Variants in PPP2R5A observed in about 807,000 individuals in gnomAD.
PPP2R5A encodes the protein protein phosphatase 2 regulatory subunit B'alpha.
A neutral mutation model predicts 64.2 loss-of-function variants in PPP2R5A; 25 were observed. That is an observed-to-expected ratio of 0.39 (90% CI 0.28 to 0.54). PPP2R5A has a LOEUF of 0.54. PPP2R5A is among the 20% of genes least tolerant of loss of function. The probability of loss-of-function intolerance (pLI) is 0.67; values close to 1 mark genes in which losing one functional copy is unlikely to be tolerated. For synonymous variants in PPP2R5A, 198 were observed against 201.2 expected (o/e 0.98, Z 0.13); for missense variants, 425 against 576.3 (o/e 0.74, Z 2.69).
chr1:212,359,949 T>TA (rs1437569132), intron 12 of PPP2R5A, among the ~76,000 whole-genome samples: 2 of 152,214 alleles, frequency 1.3e-5, no homozygotes, highest in Admixed American at 1.3e-4. Context: ...GCAAATCCTT[T>TA]AAAAGGATTT....
rs1558156615 is a variant in PPP2R5A at position 212,357,041 on chromosome 1, C to T, written c.1070C>T (p.Ser357Phe). ...KIEEPLFKQISKCVSSSHFQV... is the reference protein window; with the variant it reads ...KIEEPLFKQIFKCVSSSHFQV... ...GAAGAGCCACTTTTCAAGCAGATAT[C>T]CAAGTGTGTATCCAGTTCTCATTTT... The change falls in exon 10 of 13, where the codon TCC becomes TTC. Residue 357 changes from serine to phenylalanine, a missense_variant. Around this residue, in one of 4 missense-constraint regions of PPP2R5A, gnomAD observed 177 missense variants for 244.8 expected, o/e 0.72. Coordinates refer to ENST00000261461, the MANE Select transcript of PPP2R5A (RefSeq NM_006243.4). The T allele has an allele frequency of 6.2e-7, 1 of 1,611,990 alleles. No individual in the cohort carries two copies.
chr1:212,287,773 T>G (rs1387889303), intron 1 of PPP2R5A, among the ~76,000 whole-genome samples: 4 of 152,184 alleles, frequency 2.6e-5, no homozygotes, highest in African/African-American at 9.7e-5. Context: ...ATTTTAAAAT[T>G]TACACTTATT....
chr1:212,309,273 G>A, intron 1 of PPP2R5A: 1 of 1,524,094 alleles, frequency 6.6e-7, no homozygotes, highest in Non-Finnish European at 9.0e-7. Context: ...CAGACTCAGT[G>A]GTCAGCGGAA....
At chr1:212,350,654 CAAAAAA>C (rs11372024) in intron 8 of PPP2R5A, among the ~76,000 whole-genome samples, 1 of 136,732 alleles carries the variant, frequency 7.3e-6, no homozygotes, top group Non-Finnish European at 1.6e-5. Flanking sequence ...ACTCTGTCTT[CAAAAAA>C]AAAAAGAAAA....
chr1:212,346,748 TC>T, intron 5 of PPP2R5A, among the ~76,000 whole-genome samples: 1 of 152,258 alleles, frequency 6.6e-6, no homozygotes, highest in Non-Finnish European at 1.5e-5. Context: ...TAATTGAAGA[TC>T]TGGCAAAATT....
chr1:212,323,352 G>T (rs1659346062), intron 1 of PPP2R5A, among the ~76,000 whole-genome samples: 1 of 152,178 alleles, frequency 6.6e-6, no homozygotes, highest in South Asian at 2.1e-4. Flanking sequence ...AAAACACTTA[G>T]AATTGTCTTT....
chr1:212,345,162 T>TAAAA (rs74849931), intron 4 of PPP2R5A, among the ~76,000 whole-genome samples: 2 of 127,372 alleles, frequency 1.6e-5, no homozygotes, highest in East Asian at 4.4e-4. Context: ...AAGACTGTCT[T>TAAAA]AAAAAAAAAA....
chr1:212,356,917 C>T, intron 9 of PPP2R5A, 33 bp from the exon 10 acceptor site: 1 of 1,456,076 alleles, frequency 6.9e-7, no homozygotes, highest in Non-Finnish European at 9.3e-7. Context: ...CATAATTTAT[C>T]ATGTTTCTTA....
At chr1:212,330,766 A>G (rs974143884) in intron 2 of PPP2R5A, among the ~76,000 whole-genome samples, 1 of 152,102 alleles carries the variant, frequency 6.6e-6, no homozygotes. Flanking sequence ...CCTTTTATCA[A>G]TCTGTAGTAT....
At chr1:212,309,995 C>T (rs892901731) in intron 1 of PPP2R5A, among the ~76,000 whole-genome samples, 1 of 152,076 alleles carries the variant, frequency 6.6e-6, no homozygotes, top group Non-Finnish European at 1.5e-5. Flanking sequence ...TGTAGTTTTC[C>T]CCCATACTTT....
intron 1 of PPP2R5A, among the ~76,000 whole-genome samples, chr1:212,320,928 CGGGCGGG>C (rs1659270266): frequency 5.6e-5 from 6 of 108,084 alleles, no homozygotes; most frequent in African/African-American, 1.7e-4. Context: ...GGCGGCTGGC[CGGGCGGG>C]GGGCTGACCC....
chr1:212,331,804 G>A (rs187434286), intron 2 of PPP2R5A: 1 of 152,110 alleles, frequency 6.6e-6, no homozygotes, highest in Admixed American at 6.6e-5. Flanking sequence ...CAAGTAAAAA[G>A]GTGTGTGTGT....
chr1:212,291,962 C>T (rs958872120), intron 1 of PPP2R5A, among the ~76,000 whole-genome samples: 7 of 152,192 alleles, frequency 4.6e-5, no homozygotes, highest in African/African-American at 1.7e-4. Flanking sequence ...GGATGTAAAA[C>T]TAGTTTCCTC....
chr1:212,293,213 G>A (rs969269997), intron 1 of PPP2R5A, among the ~76,000 whole-genome samples: 1 of 152,198 alleles, frequency 6.6e-6, no homozygotes, highest in Non-Finnish European at 1.5e-5. Context: ...CCAATGACCA[G>A]TATGAGTGAC....
intron 8 of PPP2R5A, 31 bp downstream of exon 8, chr1:212,349,273 G>C: frequency 6.6e-7 from 1 of 1,504,564 alleles, no homozygotes; most frequent in Non-Finnish European, 9.1e-7. Flanking sequence ...CATGTTTTTG[G>C]TCTGCATTAA....
At position 212,345,926 on chromosome 1, in the gene PPP2R5A, T is replaced by C; in HGVS notation, c.697T>C (p.Phe233Leu). The change falls in exon 5 of 13, where the codon TTC (phenylalanine) becomes CTC (leucine). Residue 233 changes from phenylalanine (F) to leucine (L), a missense_variant. Phe to Leu is a conservative substitution (Grantham distance 22). This residue lies in a region of PPP2R5A where 140 missense variants were observed against 204.4 expected (regional missense o/e 0.68). Coordinates refer to ENST00000261461, the MANE Select transcript of PPP2R5A (RefSeq NM_006243.4). ...CATCAGAAAACAAATTAACAACATT[T>C]TCCTCAGGTAAATTAATCATTTATT... ...AFIRKQINNI[F>L]LRFIYETEHF... The C allele has an allele frequency of 6.3e-7, 1 of 1,594,926 alleles. No individual in the cohort carries two copies. Among genetic ancestry groups the C allele is most frequent in the Non-Finnish European group, 8.5e-7 (1 of 1,170,946 alleles).
At chr1:212,289,339 A>G (rs1658561421) in intron 1 of PPP2R5A, among the ~76,000 whole-genome samples, 1 of 152,170 alleles carries the variant, frequency 6.6e-6, no homozygotes, top group Admixed American at 6.5e-5. Context: ...TCCATGGCTC[A>G]TTGTATTTTT....
chr1:212,295,514 G>A (rs1372369263), intron 1 of PPP2R5A, among the ~76,000 whole-genome samples: 1 of 152,154 alleles, frequency 6.6e-6, no homozygotes, highest in Non-Finnish European at 1.5e-5. Context: ...TGTGGCATTT[G>A]GAGCAATGGA....
chr1:212,314,138 A>G (rs1190260130), intron 1 of PPP2R5A, among the ~76,000 whole-genome samples: 1 of 152,178 alleles, frequency 6.6e-6, no homozygotes, highest in Non-Finnish European at 1.5e-5. Context: ...CCATATTATG[A>G]GGGAGCTCAG....
Sources: gnomAD v4.1 joint callset for allele counts (sites outside exome capture counted in the v4.1 genomes callset) on GRCh38, gnomAD v4.1.1 for gene constraint, gnomAD v4.1.1 regional missense constraint, MANE v1.5 for transcripts, NCBI Gene and HGNC (gene_info 2026-07-23, HGNC 2026-07-21) for gene names.